The following LDLRAD4 variants were observed in gnomAD, a reference collection of about 807,000 sequenced individuals.
LDLRAD4 encodes the protein low density lipoprotein receptor class A domain containing 4.
LDLRAD4 carries 5 observed loss-of-function variants against 17.0 expected under a neutral mutation model. That is an observed-to-expected ratio of 0.29 (90% CI 0.15 to 0.62). The LOEUF (loss-of-function observed/expected upper bound fraction) is 0.62, where lower values mean the gene tolerates loss of function less well. LDLRAD4 is among the 20% of genes least tolerant of loss of function. The pLI, the probability that LDLRAD4 is intolerant of heterozygous loss-of-function variation, is 0.84. For synonymous variants in LDLRAD4, 168 were observed against 171.8 expected, an observed-to-expected ratio of 0.98 and a Z score of 0.17; for missense variants, 340 against 424.7, an observed-to-expected ratio of 0.80 and a Z score of 1.75.
At position 13,458,311 on chromosome 18, in the gene LDLRAD4, A is replaced by G. The variant is rs371921956; in HGVS notation, c.181+19927A>G. On this transcript the variant is annotated intron_variant, in intron 3 of 5. Transcript: ENST00000359446. ...AGCGGCGCGCTGCTTTAGAAGCACT[A>G]TGTGTTAGCAGGTGTGGTACACACC... 1.3e-4 allele frequency among the ~76,000 whole-genome samples: 20 copies of G among 152,264 alleles called. 1 individual carries two copies. Among genetic ancestry groups the G allele is most frequent in the Admixed American group, 9.1e-4 (14 of 15,302 alleles).
At chr18:13,267,291 A>T (rs377020472) in intron 1 of LDLRAD4, among the ~76,000 whole-genome samples, 41 of 152,308 alleles carry the variant, frequency 2.7e-4, no homozygotes, top group African/African-American at 9.9e-4. Flanking sequence ...ACTTCTGATC[A>T]CTGGTCAGTT....
At chr18:13,503,791 A>AAG (rs55976689) in intron 3 of LDLRAD4, among the ~76,000 whole-genome samples, 2 of 151,508 alleles carry the variant, frequency 1.3e-5, no homozygotes, top group African/African-American at 2.4e-5. Flanking sequence ...AAAAAAAAAA[A>AAG]CTAAGTAAAA....
At chr18:13,370,708 G>GTTTTTTT (rs1568061721) in intron 1 of LDLRAD4, among the ~76,000 whole-genome samples, 5 of 13,522 alleles carry the variant, frequency 3.7e-4, no homozygotes, top group Non-Finnish European at 8.4e-4. Context: ...ATGGTTTTTT[G>GTTTTTTT]TTTTGTTTTT....
intron 1 of LDLRAD4, among the ~76,000 whole-genome samples, chr18:13,336,495 C>T (rs2082109334): frequency 6.6e-6 from 1 of 152,096 alleles, no homozygotes; most frequent in Non-Finnish European, 1.5e-5. Flanking sequence ...TCTGTTGACT[C>T]TCATTTGTCA....
At chr18:13,352,753 C>CTCTGT (rs2083120279) in intron 1 of LDLRAD4, among the ~76,000 whole-genome samples, 3 of 152,108 alleles carry the variant, frequency 2.0e-5, no homozygotes, top group Admixed American at 2.0e-4. Flanking sequence ...GCCTCTTAGG[C>CTCTGT]TCTGTTCACT....
chr18:13,445,527 T>A (rs908448851), intron 3 of LDLRAD4, among the ~76,000 whole-genome samples: 4 of 150,602 alleles, frequency 2.7e-5, no homozygotes, highest in Non-Finnish European at 5.9e-5. Context: ...CGTGTGTGTA[T>A]AAGAGTGCAT....
At chr18:13,329,987 A>T (rs1450034267) in intron 1 of LDLRAD4, among the ~76,000 whole-genome samples, 1 of 149,178 alleles carries the variant, frequency 6.7e-6, no homozygotes. Flanking sequence ...AGACAGTCTC[A>T]CTCTGTTGCC....
At chr18:13,614,256 GGAA>G (rs1241153325) in intron 3 of LDLRAD4, 1 of 152,264 alleles carries the variant, frequency 6.6e-6, no homozygotes, top group Non-Finnish European at 1.5e-5. Flanking sequence ...ACTCTGTAGA[GGAA>G]GAAGACCAGA....
intron 1 of LDLRAD4, among the ~76,000 whole-genome samples, chr18:13,286,378 T>C (rs937339362): frequency 2.0e-5 from 3 of 152,164 alleles, no homozygotes; most frequent in Non-Finnish European, 4.4e-5. Context: ...GTTTTGTTAT[T>C]TATTTATTTT....
At position 13,424,002 on chromosome 18, in the gene LDLRAD4, G is replaced by A. The variant is rs149264921; in HGVS notation, c.41-14242G>A. 3.3e-3 allele frequency among the ~76,000 whole-genome samples: 498 copies of A among 152,250 alleles called. 4 individuals are homozygous for A. Among genetic ancestry groups the A allele is most frequent in the African/African-American group, 0.011 (477 of 41,540 alleles). On this transcript the variant is annotated intron_variant, in intron 2 of 5. Transcript: ENST00000359446. ...ATACAAAAATCAGCCGGGCGTGGTG[G>A]CATGTGCCTGTAATCCTAGCTACTC...
chr18:13,325,426 A>G (rs2081467037), intron 1 of LDLRAD4, among the ~76,000 whole-genome samples: 1 of 151,668 alleles, frequency 6.6e-6, no homozygotes, highest in African/African-American at 2.4e-5. Context: ...TGCCCAGTCC[A>G]CTCCCTTGGT....
chr18:13,491,824 G>A (rs72880635), intron 3 of LDLRAD4, among the ~76,000 whole-genome samples: 7,925 of 152,234 alleles, frequency 0.052, 261 homozygotes, highest in Middle Eastern at 0.16. Flanking sequence ...GACAGTGTTT[G>A]GGTCTGCACC....
chr18:13,320,617 G>A (rs1159941539), intron 1 of LDLRAD4, among the ~76,000 whole-genome samples: 1 of 152,186 alleles, frequency 6.6e-6, no homozygotes, highest in African/African-American at 2.4e-5. Flanking sequence ...CTGGACACTT[G>A]TAGTTTTAGA....
At chr18:13,606,416 T>C (rs1440392533) in intron 3 of LDLRAD4, among the ~76,000 whole-genome samples, 1 of 152,224 alleles carries the variant, frequency 6.6e-6, no homozygotes, top group African/African-American at 2.4e-5. Context: ...TAAAGCTGTT[T>C]AATCTGAACT....
intron 1 of LDLRAD4, among the ~76,000 whole-genome samples, chr18:13,232,402 C>T (rs558415738): frequency 2.6e-5 from 4 of 152,224 alleles, no homozygotes; most frequent in Non-Finnish European, 2.9e-5. Flanking sequence ...ACAGTTTGTT[C>T]GGCTGTGGAT....
chr18:13,465,171 G>A (rs1000809577), intron 3 of LDLRAD4: 5 of 152,178 alleles, frequency 3.3e-5, no homozygotes, highest in African/African-American at 1.2e-4. Context: ...ATAACATCTG[G>A]CTTTTAAAAT....
intron 3 of LDLRAD4, among the ~76,000 whole-genome samples, chr18:13,478,416 A>G (rs1481267104): frequency 6.6e-6 from 1 of 152,256 alleles, no homozygotes; most frequent in Non-Finnish European, 1.5e-5. Context: ...TCTAGTTTGA[A>G]AACAAAATTC....
At chr18:13,370,708 G>T (rs4580261) in intron 1 of LDLRAD4, among the ~76,000 whole-genome samples, 154 of 13,494 alleles carry the variant, frequency 0.011, 2 homozygotes, top group South Asian at 0.075. Context: ...ATGGTTTTTT[G>T]TTTTGTTTTT....
chr18:13,572,553 C>T (rs1164066168), intron 3 of LDLRAD4, among the ~76,000 whole-genome samples: 1 of 152,182 alleles, frequency 6.6e-6, no homozygotes, highest in African/African-American at 2.4e-5. Context: ...TTTTATTTGG[C>T]TTCAATGCAC....
Sources: gnomAD v4.1 joint callset for allele counts (sites outside exome capture counted in the v4.1 genomes callset) on GRCh38, gnomAD v4.1.1 for gene constraint, MANE v1.5 for transcripts, NCBI Gene and HGNC (gene_info 2026-07-23, HGNC 2026-07-21) for gene names.